Variants in EYS observed in about 807,000 individuals in gnomAD.
EYS encodes the protein EGF-like photoreceptor maintenance factor, also known as protein eyes shut homolog.
A neutral mutation model predicts 282.1 loss-of-function variants in EYS; 250 were observed. The ratio of observed to expected loss-of-function variants is 0.89; its 90% CI spans 0.80 to 0.98. The LOEUF is 0.98. Among genes scored for constraint, EYS ranks in the 50% least tolerant of loss-of-function variants. The probability of loss-of-function intolerance (pLI) is 0.00; values close to 1 mark genes in which losing one functional copy is unlikely to be tolerated. For missense variants in EYS, 4,016 were observed against 3,709.0 expected (o/e 1.08, Z -2.15); for synonymous variants, 1,355 against 1,282.9 (o/e 1.06, Z -1.20).
chr6:64,907,844 A>C (rs1264767923), intron 16 of EYS, among the ~76,000 whole-genome samples: 1 of 152,146 alleles, frequency 6.6e-6, no homozygotes, highest in Non-Finnish European at 1.5e-5. Flanking sequence ...AAAATAAAAA[A>C]AAAAGTCTGA....
chr6:65,263,985 G>T (rs1767686634), intron 12 of EYS, among the ~76,000 whole-genome samples: 1 of 152,038 alleles, frequency 6.6e-6, no homozygotes, highest in African/African-American at 2.4e-5. Context: ...CAGTCATGAT[G>T]GTTAATAGTG....
chr6:64,890,474 T>C (rs1583265228), intron 18 of EYS, among the ~76,000 whole-genome samples: 1 of 152,274 alleles, frequency 6.6e-6, no homozygotes, highest in East Asian at 1.9e-4. Flanking sequence ...TTTCCCTCTT[T>C]TGTACGCTGT....
intron 35 of EYS, among the ~76,000 whole-genome samples, chr6:63,893,020 A>G (rs1282353163): frequency 6.6e-6 from 1 of 152,226 alleles, no homozygotes; most frequent in Non-Finnish European, 1.5e-5. Context: ...AATCAAAACC[A>G]CAATGAGATA....
At chr6:63,766,695 C>T (rs1769797435) in intron 40 of EYS, among the ~76,000 whole-genome samples, 1 of 151,982 alleles carries the variant, frequency 6.6e-6, no homozygotes, top group African/African-American at 2.4e-5. Flanking sequence ...TAGCATCATC[C>T]TCATTTTTCA....
At chr6:65,268,771 G>C (rs1391918701) in intron 12 of EYS, among the ~76,000 whole-genome samples, 2 of 150,838 alleles carry the variant, frequency 1.3e-5, no homozygotes, top group East Asian at 2.0e-4. Context: ...AAGAGGAATT[G>C]TTTTTTGTAA....
chr6:65,030,748 A>G (rs1561930459), intron 13 of EYS, among the ~76,000 whole-genome samples: 2 of 152,204 alleles, frequency 1.3e-5, no homozygotes, highest in African/African-American at 2.4e-5. Context: ...TATAGTGTCA[A>G]TCAAGTCTGC....
chr6:64,327,576 G>T (rs1770475578), intron 29 of EYS, among the ~76,000 whole-genome samples: 1 of 152,126 alleles, frequency 6.6e-6, no homozygotes. Flanking sequence ...ACCCAGATCA[G>T]TTTCCATATA....
At chr6:65,572,564 T>G (rs927981651) in intron 2 of EYS, among the ~76,000 whole-genome samples, 1 of 152,116 alleles carries the variant, frequency 6.6e-6, no homozygotes. Flanking sequence ...AATTAAAATA[T>G]ACAGTCATGT....
chr6:65,450,187 T>A (rs1764351196), intron 5 of EYS, among the ~76,000 whole-genome samples: 1 of 152,132 alleles, frequency 6.6e-6, no homozygotes, highest in South Asian at 2.1e-4. Flanking sequence ...GTCATCAGAA[T>A]CCTAGCCTAT....
chr6:65,402,597 C>T lies in EYS; in HGVS notation c.1065G>A (p.Met355Ile), dbSNP rs1449183516. 7 of 1,574,320 alleles carry T rather than the reference C, an allele frequency of 4.4e-6. No homozygotes were observed. Among genetic ancestry groups the T allele is most frequent in the Admixed American group, 1.7e-5 (1 of 59,660 alleles). ...TDCIKISNDV[M>I]CICSPIFTDL... is the part of the protein sequence containing the mutation. The stretch of plus-strand genomic sequence containing the variant: ...CTGTAAATATTGGTGAACAGATGCA[C>T]ATAACATCCTAGGAAAGATTAAAAA... The change falls in exon 7 of 43, where the codon ATG (methionine) becomes ATA (isoleucine). Residue 355 changes from methionine (M) to isoleucine (I), a missense_variant. Transcript: ENST00000503581.
intron 2 of EYS, among the ~76,000 whole-genome samples, chr6:65,563,397 A>G (rs904846327): frequency 1.3e-5 from 2 of 152,064 alleles, no homozygotes; most frequent in African/African-American, 4.8e-5. Flanking sequence ...ATTAATATAA[A>G]ACTATGTTAT....
At chr6:63,998,124 A>G (rs1373891845) in intron 34 of EYS, among the ~76,000 whole-genome samples, 1 of 152,218 alleles carries the variant, frequency 6.6e-6, no homozygotes, top group Non-Finnish European at 1.5e-5. Context: ...AAAGGGACAC[A>G]AAAGTGCTGG....
chr6:63,836,334 AC>A (rs1562051557), intron 36 of EYS, among the ~76,000 whole-genome samples: 1 of 152,030 alleles, frequency 6.6e-6, no homozygotes, highest in Non-Finnish European at 1.5e-5. Context: ...TTTGCCTTTT[AC>A]CAAAAAAATT....
chr6:65,032,688 T>A (rs1038460293), intron 13 of EYS, among the ~76,000 whole-genome samples: 11 of 151,992 alleles, frequency 7.2e-5, no homozygotes, highest in African/African-American at 2.4e-4. Flanking sequence ...TTTTTTTTTT[T>A]AAATAAATTA....
intron 31 of EYS, among the ~76,000 whole-genome samples, chr6:64,107,295 A>T (rs1365450437): frequency 4.0e-5 from 5 of 124,454 alleles, no homozygotes; most frequent in African/African-American, 1.8e-4. Flanking sequence ...TTATATATAT[A>T]TATATATATA....
At chr6:65,319,389 AATAT>A (rs531016770) in intron 11 of EYS, among the ~76,000 whole-genome samples, 3 of 150,128 alleles carry the variant, frequency 2.0e-5, no homozygotes, top group African/African-American at 7.3e-5. Context: ...CAAAAAAAAT[AATAT>A]ATATATATAT....
chr6:63,854,880 A>G (rs112786962), intron 36 of EYS, among the ~76,000 whole-genome samples: 47 of 152,316 alleles, frequency 3.1e-4, no homozygotes, highest in Middle Eastern at 6.8e-3. Flanking sequence ...GACATTATTT[A>G]CTTAAAATTC....
intron 5 of EYS, among the ~76,000 whole-genome samples, chr6:65,465,777 T>C (rs2150412769): frequency 6.6e-6 from 1 of 151,966 alleles, no homozygotes; most frequent in African/African-American, 2.4e-5. Context: ...AGTCCAGGAG[T>C]TCACAACCAG....
rs67505285 is a variant in EYS, at chr6:65,120,460, C to CAAAAAAAAAAAAAAAAAAAAA, written c.2024-62754_2024-62734dup. Among the ~76,000 whole-genome samples the CAAAAAAAAAAAAAAAAAAAAA allele has an allele frequency of 5.0e-4, 34 of 68,264 alleles. 3 individuals are homozygous for CAAAAAAAAAAAAAAAAAAAAA. The highest frequency in any genetic ancestry group is 8.0e-4 in the Non-Finnish European group (29 of 36,422). 44.8% of individuals were successfully genotyped at this position (68,264 alleles called of 152,430 possible). A position where few individuals can be genotyped will look rare whatever the true frequency, so the allele number is the denominator to read the frequency against. ...ACATTACTCTTTTTCTTTAAATAAG[C>CAAAAAAAAAAAAAAAAAAAAA]AAAAAAAAAAAAAAAAAAAAAAAAT... On this transcript the variant is annotated intron_variant, in intron 12 of 42. Coordinates refer to ENST00000503581, the MANE Select transcript of EYS (RefSeq NM_001142800.2).
Sources: gnomAD v4.1 joint callset for allele counts (sites outside exome capture counted in the v4.1 genomes callset) on GRCh38, gnomAD v4.1.1 for gene constraint, MANE v1.5 for transcripts, NCBI Gene and HGNC (gene_info 2026-07-23, HGNC 2026-07-21) for gene names.